Variants in EVA1C observed in about 807,000 individuals in gnomAD.
EVA1C encodes protein eva-1 homolog C.
In EVA1C, 25 loss-of-function variants were observed where a neutral mutation model predicts 45.4. The observed-to-expected ratio is 0.55, with a 90% CI of 0.40 to 0.77. The LOEUF is 0.77. Among genes scored for constraint, EVA1C ranks in the 30% least tolerant of loss-of-function variants. EVA1C has a pLI of 0.00. For synonymous variants in EVA1C, 190 were observed against 221.2 expected (o/e 0.86, Z 1.25); for missense variants, 479 against 554.8 (o/e 0.86, Z 1.37).
intron 2 of EVA1C, among the ~76,000 whole-genome samples, chr21:32,456,819 C>T (rs1265722091): frequency 1.3e-5 from 2 of 152,138 alleles, no homozygotes; most frequent in Admixed American, 6.5e-5. Flanking sequence ...CAGCAAAAAG[C>T]TGAGCCTTCC....
intron 1 of EVA1C, among the ~76,000 whole-genome samples, chr21:32,423,561 G>A (rs2034372514): frequency 6.6e-6 from 1 of 152,012 alleles, no homozygotes; most frequent in Non-Finnish European, 1.5e-5. Context: ...AAACCACAGA[G>A]CTTGGAACTG....
chr21:32,431,799 C>T (rs2034714725), intron 1 of EVA1C, among the ~76,000 whole-genome samples: 1 of 152,170 alleles, frequency 6.6e-6, no homozygotes, highest in Non-Finnish European at 1.5e-5. Flanking sequence ...TCCTTTACCC[C>T]TAAATATTCC....
intron 4 of EVA1C, among the ~76,000 whole-genome samples, chr21:32,484,190 G>T (rs2036891389): frequency 6.6e-6 from 1 of 152,084 alleles, no homozygotes; most frequent in Admixed American, 6.6e-5. Flanking sequence ...CCAAACCCCA[G>T]GGTTCCCTGG....
chr21:32,492,637 C>G (rs144999264), intron 4 of EVA1C, among the ~76,000 whole-genome samples: 5 of 152,242 alleles, frequency 3.3e-5, no homozygotes, highest in Admixed American at 6.5e-5. Context: ...ATGAACCCCC[C>G]ACAGGCATCT....
intron 7 of EVA1C, among the ~76,000 whole-genome samples, chr21:32,509,820 C>T (rs772802573): frequency 5.9e-5 from 9 of 151,408 alleles, no homozygotes; most frequent in Non-Finnish European, 1.3e-4. Flanking sequence ...GAGGAAAGAA[C>T]TTTCCAGGCT....
chr21:32,440,425 G>A (rs1445109796), intron 1 of EVA1C, among the ~76,000 whole-genome samples: 1 of 152,118 alleles, frequency 6.6e-6, no homozygotes, highest in Non-Finnish European at 1.5e-5. Flanking sequence ...AACTTTCTAA[G>A]GTTGGTACTT....
intron 4 of EVA1C, among the ~76,000 whole-genome samples, chr21:32,471,374 T>G (rs1384122289): frequency 6.7e-6 from 1 of 150,360 alleles, no homozygotes; most frequent in Non-Finnish European, 1.5e-5. Context: ...TCACCCAGGC[T>G]GGAGTGCAGT....
Position 32,412,736 on chromosome 21 carries a change from C to T in EVA1C, c.-118C>T, listed in dbSNP as rs1214869322. On this transcript the variant is annotated 5_prime_UTR_variant, in exon 1 of 8. Transcript: ENST00000300255. Reference sequence around the variant, plus strand: ...GGCTCTGGCAGCCTGGGCAGGGAGGCGGCGGGGGGCCGCGGAGCCGCTGGC... The same window carrying T: ...GGCTCTGGCAGCCTGGGCAGGGAGGTGGCGGGGGGCCGCGGAGCCGCTGGC... The T allele has an allele frequency of 8.3e-6, 9 of 1,090,134 alleles. No individual in the cohort carries two copies. Among genetic ancestry groups the T allele is most frequent in the Middle Eastern group, 3.2e-4 (1 of 3,110 alleles). 67.5% of individuals were successfully genotyped at this position (1,090,134 alleles called of 1,614,324 possible). A position where few individuals can be genotyped will look rare whatever the true frequency, so the allele number is the denominator to read the frequency against.
At chr21:32,458,111 G>GTT (rs1236712642) in intron 3 of EVA1C, among the ~76,000 whole-genome samples, 1 of 152,178 alleles carries the variant, frequency 6.6e-6, no homozygotes, top group Non-Finnish European at 1.5e-5. Context: ...GAGGCTGCCT[G>GTT]TTTTTCCTTG....
At chr21:32,428,651 C>T (rs2034580454) in intron 1 of EVA1C, 1 of 152,174 alleles carries the variant, frequency 6.6e-6, no homozygotes, top group Admixed American at 6.5e-5. Flanking sequence ...CACTATTTGT[C>T]TTCATTACCC....
At chr21:32,491,438 C>T (rs1031558556) in intron 4 of EVA1C, among the ~76,000 whole-genome samples, 2 of 151,706 alleles carry the variant, frequency 1.3e-5, no homozygotes, top group Non-Finnish European at 2.9e-5. Context: ...CCTGTAATCC[C>T]AGCACTTTGG....
At chr21:32,511,135 A>G (rs111927212) in intron 7 of EVA1C, among the ~76,000 whole-genome samples, 1,526 of 152,072 alleles carry the variant, frequency 0.01, 30 homozygotes, top group African/African-American at 0.035. Context: ...ACATCCTTGG[A>G]CTAGGCACGG....
At chr21:32,461,243 G>A (rs1158597785) in intron 3 of EVA1C, among the ~76,000 whole-genome samples, 2 of 152,328 alleles carry the variant, frequency 1.3e-5, no homozygotes, top group African/African-American at 4.8e-5. Context: ...AGCACCAGCT[G>A]GGGAGCCGGA....
At chr21:32,475,268 T>C (rs2036513130) in intron 4 of EVA1C, among the ~76,000 whole-genome samples, 1 of 152,176 alleles carries the variant, frequency 6.6e-6, no homozygotes, top group African/African-American at 2.4e-5. Flanking sequence ...GGGACCACTT[T>C]GGATTTTATA....
intron 7 of EVA1C, among the ~76,000 whole-genome samples, chr21:32,513,495 T>C (rs1449715151): frequency 6.8e-6 from 1 of 147,442 alleles, no homozygotes; most frequent in Non-Finnish European, 1.5e-5. Context: ...TATTATATTA[T>C]TAATATTTAT....
chr21:32,424,746 T>C (rs1479357361), intron 1 of EVA1C, among the ~76,000 whole-genome samples: 3 of 152,220 alleles, frequency 2.0e-5, no homozygotes. Context: ...GCAGATCTTG[T>C]GGTCTTGCTT....
At chr21:32,437,881 CT>C (rs943737808) in intron 1 of EVA1C, among the ~76,000 whole-genome samples, 5 of 152,180 alleles carry the variant, frequency 3.3e-5, no homozygotes, top group Non-Finnish European at 7.4e-5. Flanking sequence ...GGAGCGAGCG[CT>C]TTTGCTCTCT....
At chr21:32,426,808 C>T (rs2034505452) in intron 1 of EVA1C, among the ~76,000 whole-genome samples, 1 of 150,888 alleles carries the variant, frequency 6.6e-6, no homozygotes, top group African/African-American at 2.5e-5. Context: ...CACAACTCTA[C>T]TTAAAATATT....
intron 4 of EVA1C, among the ~76,000 whole-genome samples, chr21:32,491,681 CAAAAAAAAAAAAA>C (rs34286023): frequency 0.038 from 2,183 of 57,822 alleles, 100 homozygotes; most frequent in African/African-American, 0.13. Flanking sequence ...GAGACTCTGT[CAAAAAAAAAAAAA>C]AAAAAAAAAA....
Sources: allele counts gnomAD v4.1 joint callset (sites outside exome capture counted in the v4.1 genomes callset), GRCh38; gene constraint gnomAD v4.1.1; transcripts MANE v1.5; gene names NCBI Gene and HGNC (gene_info 2026-07-23, HGNC 2026-07-21).